DARS2: variants seen among roughly 807,000 people sequenced by gnomAD.
The protein encoded by DARS2 is aspartyl-tRNA synthetase 2, mitochondrial, also known as aspartate--tRNA ligase, mitochondrial.
In DARS2, 63 loss-of-function variants were observed where a neutral mutation model predicts 83.0. That is an observed-to-expected ratio of 0.76 (90% CI 0.62 to 0.94). DARS2 has a LOEUF of 0.94. Ranked by LOEUF, DARS2 falls within the 40% of genes least tolerant of loss-of-function variation. The pLI is 0.00. For synonymous variants in DARS2, 250 were observed against 269.3 expected (o/e 0.93, Z 0.70); for missense variants, 675 against 774.4 (o/e 0.87, Z 1.52).
intron 5 of DARS2, among the ~76,000 whole-genome samples, chr1:173,832,179 A>T (rs1332532491): frequency 2.0e-5 from 3 of 152,198 alleles, no homozygotes; most frequent in Admixed American, 2.0e-4. Flanking sequence ...TTTTAAACTG[A>T]TCTATTAACA....
At chr1:173,837,813 A>T (rs1320259273) in intron 8 of DARS2, among the ~76,000 whole-genome samples, 5 of 151,866 alleles carry the variant, frequency 3.3e-5, no homozygotes, top group Non-Finnish European at 1.5e-5. Flanking sequence ...TTGCTCTGTC[A>T]CCCAAGCTGG....
At chr1:173,828,544 C>A in intron 3 of DARS2, 145 bp downstream of exon 3, 1 of 817,664 alleles carries the variant, frequency 1.2e-6, no homozygotes, top group Non-Finnish European at 1.9e-6. Context: ...AATGTTAAGA[C>A]ATAGCAAAAA....
At chr1:173,845,535 A>C (rs1376969399) in intron 12 of DARS2, among the ~76,000 whole-genome samples, 1 of 152,166 alleles carries the variant, frequency 6.6e-6, no homozygotes, top group Non-Finnish European at 1.5e-5. Context: ...AGGCTCAAGC[A>C]ATGCTCCTGC....
At chr1:173,855,684 G>A (rs769657445) in intron 15 of DARS2, among the ~76,000 whole-genome samples, 7 of 149,488 alleles carry the variant, frequency 4.7e-5, no homozygotes, top group Middle Eastern at 3.2e-3. Context: ...TCTTTTTCTC[G>A]CTTTGTCACC....
chr1:173,829,791 C>T (rs1351560670), intron 3 of DARS2, among the ~76,000 whole-genome samples: 3 of 152,032 alleles, frequency 2.0e-5, no homozygotes, highest in Non-Finnish European at 4.4e-5. Flanking sequence ...CTCCTGTAAC[C>T]CCAACTACTC....
chr1:173,830,393 T>A (rs976429189), intron 3 of DARS2, among the ~76,000 whole-genome samples: 2 of 152,240 alleles, frequency 1.3e-5, no homozygotes, highest in African/African-American at 4.8e-5. Context: ...TTGTTTGCAC[T>A]AATAATAGTC....
At chr1:173,853,948 G>T in intron 15 of DARS2, 43 bp downstream of exon 15, 4 of 1,527,344 alleles carry the variant, frequency 2.6e-6, no homozygotes, top group South Asian at 1.1e-5. Context: ...TTTTTTACCA[G>T]AATATTTTTC....
intron 1 of DARS2, among the ~76,000 whole-genome samples, chr1:173,825,745 A>T (rs1404280239): frequency 6.6e-6 from 1 of 151,128 alleles, no homozygotes; most frequent in Non-Finnish European, 1.5e-5. Flanking sequence ...CTGGGATTAC[A>T]GGCGTGAGCC....
chr1:173,836,708 C>T (rs1486845072), intron 7 of DARS2, among the ~76,000 whole-genome samples: 3 of 151,972 alleles, frequency 2.0e-5, no homozygotes, highest in Non-Finnish European at 2.9e-5. Flanking sequence ...AATTCAATTC[C>T]GCAAGCATAA....
intron 7 of DARS2, among the ~76,000 whole-genome samples, chr1:173,834,881 C>T (rs1285894451): frequency 1.4e-5 from 2 of 146,892 alleles, no homozygotes; most frequent in African/African-American, 5.1e-5. Context: ...TGGATCCAAG[C>T]GATTCTCATG....
intron 2 of DARS2, among the ~76,000 whole-genome samples, chr1:173,827,925 C>T (rs1652646082): frequency 6.6e-6 from 1 of 152,026 alleles, no homozygotes. Context: ...TTCTATTATG[C>T]TAAAATACTA....
chr1:173,845,331 T>G lies in DARS2; in HGVS notation c.1191+40T>G, dbSNP rs765480268. The stretch of plus-strand genomic sequence containing the variant: ...AGAGCAGTTTTTTTCCTTATACAGA[T>G]TCAATATTTTTAACTATTATTAACT... On this transcript the variant is annotated intron_variant, in intron 12 of 16. Transcript: ENST00000649689. 3 of 1,364,962 alleles carry G rather than the reference T, an allele frequency of 2.2e-6. 1 individual carries two copies. The South Asian group carries it at 3.6e-5, about 16-fold the overall frequency. 84.6% of individuals were successfully genotyped at this position (1,364,962 alleles called of 1,614,324 possible). A position where few individuals can be genotyped will look rare whatever the true frequency, so the allele number is the denominator to read the frequency against.
intron 12 of DARS2, among the ~76,000 whole-genome samples, chr1:173,848,104 C>T (rs1653511672): frequency 6.6e-6 from 1 of 152,124 alleles, no homozygotes; most frequent in South Asian, 2.1e-4. Context: ...CCGCCCACCT[C>T]GGCCTCCCAA....
intron 13 of DARS2, among the ~76,000 whole-genome samples, chr1:173,851,649 A>G (rs894308853): frequency 1.3e-5 from 2 of 152,198 alleles, no homozygotes; most frequent in Non-Finnish European, 2.9e-5. Flanking sequence ...ATCTTTGTAA[A>G]ATATAGAAAA....
Position 173,844,778 on chromosome 1 carries a change from ATTTTTTTTTTTTTTTTTTT to A in DARS2, c.1129-436_1129-418del, listed in dbSNP as rs1164469532. 2.8e-3 allele frequency among the ~76,000 whole-genome samples: 162 copies of A among 56,872 alleles called. 6 individuals are homozygous for A. Among genetic ancestry groups the A allele is most frequent in the African/African-American group, 0.011 (152 of 13,594 alleles). The allele number at this position is 56,872 out of a possible 152,430, so 37.3% of individuals were successfully genotyped here. A position where few individuals can be genotyped will look rare whatever the true frequency, so the allele number is the denominator to read the frequency against. ...TGTGTCATTTGGTAGCAGAAATTGG[ATTTTTTTTTTTTTTTTTTT>A]TTTTTTTTTTTTTTGAGACAGAATC... is the stretch of plus-strand genomic sequence containing the variant. On this transcript the variant is annotated intron_variant, in intron 11 of 16. Coordinates refer to ENST00000649689, the MANE Select transcript of DARS2 (RefSeq NM_018122.5).
rs376561321 is a variant in DARS2, at chr1:173,828,319, C to G, written c.228-14C>G. ...TATCTTAAAATGTTTCTTTTCCCCC[C>G]CCCCATTAATCAGGCAAAACACATT... is the stretch of plus-strand genomic sequence containing the variant. On this transcript the variant is annotated splice_polypyrimidine_tract_variant and intron_variant, in intron 2 of 16. Coordinates refer to ENST00000649689, the MANE Select transcript of DARS2 (RefSeq NM_018122.5). 125 of 1,353,260 alleles carry G rather than the reference C, an allele frequency of 9.2e-5. 1 individual carries two copies. In the East Asian group the frequency reaches 2.5e-3, roughly 27 times the overall value. The allele number at this position is 1,353,260 out of a possible 1,614,324, so 83.8% of individuals were successfully genotyped here.
intron 13 of DARS2, 86 bp from the exon 14 acceptor site, chr1:173,853,263 A>G (rs1653740015): frequency 1.5e-6 from 2 of 1,307,960 alleles, no homozygotes; most frequent in Non-Finnish European, 2.2e-6. Context: ...TTCCTAGAGA[A>G]TGGCCTGGCT....
chr1:173,825,259 G>C lies in DARS2; in HGVS notation c.30G>C (p.Leu10=), dbSNP rs1206916894. The C allele has an allele frequency of 2.5e-6, 4 of 1,613,174 alleles. No homozygotes were observed. Among genetic ancestry groups the C allele is most frequent in the Non-Finnish European group, 3.4e-6 (4 of 1,179,568 alleles). ...ACTTCCCTTCTTGGTTAAGTCAGCT[G>C]TACAGGGGTTTATCCAGACCCATCA... is the stretch of plus-strand genomic sequence containing the variant. The part of the protein sequence containing the change: MYFPSWLSQ[L]YRGLSRPIRR... Residue 10 remains leucine, a synonymous_variant, in exon 1 of 17, where the codon CTG becomes CTC. Transcript: ENST00000649689.
At chr1:173,852,233 TC>T (rs1653699508) in intron 13 of DARS2, 1 of 985,346 alleles carries the variant, frequency 1.0e-6, no homozygotes, top group Admixed American at 6.1e-5. Context: ...TAACCAGCTG[TC>T]CTTTCTCAGG....
Sources: gnomAD v4.1 joint callset for allele counts (sites outside exome capture counted in the v4.1 genomes callset) on GRCh38, gnomAD v4.1.1 for gene constraint, MANE v1.5 for transcripts, NCBI Gene and HGNC (gene_info 2026-07-23, HGNC 2026-07-21) for gene names.